The following MAF variants were observed in gnomAD, a reference collection of about 807,000 sequenced individuals.
The protein encoded by MAF is transcription factor Maf.
MAF carries 10 observed loss-of-function variants against 22.0 expected under a neutral mutation model. That is an observed-to-expected ratio of 0.45 (90% CI 0.28 to 0.77). The LOEUF (loss-of-function observed/expected upper bound fraction) is 0.77, where lower values mean the gene tolerates loss of function less well. MAF is among the 30% of genes least tolerant of loss of function. The pLI is 0.12. For synonymous variants in MAF, 337 were observed against 255.8 expected, an observed-to-expected ratio of 1.32 and a Z score of -3.03; for missense variants, 544 against 548.4, an observed-to-expected ratio of 0.99 and a Z score of 0.08.
chr16:79,597,014 C>G, intron 1 of MAF: 8 of 1,054,366 alleles, frequency 7.6e-6, no homozygotes, highest in Non-Finnish European at 9.2e-6. Flanking sequence ...TAAACAGGGG[C>G]GTTTCCCCTC....
chr16:79,413,993 C>G, the MAF span, among the ~76,000 whole-genome samples: 1 of 152,178 alleles, frequency 6.6e-6, no homozygotes, highest in Non-Finnish European at 1.5e-5. Flanking sequence ...CAGTAGCTGG[C>G]CAAATGCCCT....
the MAF span, among the ~76,000 whole-genome samples, chr16:79,526,515 C>T: frequency 6.6e-6 from 1 of 152,162 alleles, no homozygotes; most frequent in Non-Finnish European, 1.5e-5. Flanking sequence ...TTAGGGACCA[C>T]TTCCCTAGAC....
chr16:79,375,381 A>T, the MAF span, among the ~76,000 whole-genome samples: 1 of 152,184 alleles, frequency 6.6e-6, no homozygotes, highest in Non-Finnish European at 1.5e-5. Flanking sequence ...AGATGCCCAG[A>T]TAGTTCACAC....
At chr16:79,371,106 G>A in the MAF span, among the ~76,000 whole-genome samples, 2 of 151,134 alleles carry the variant, frequency 1.3e-5, no homozygotes, top group South Asian at 4.2e-4. Context: ...GAATGGTTTG[G>A]AGGGCCCCAA....
At chr16:79,219,227 G>A in the MAF span, among the ~76,000 whole-genome samples, 3 of 152,156 alleles carry the variant, frequency 2.0e-5, no homozygotes, top group East Asian at 1.9e-4. Context: ...TTTATCTGAT[G>A]TTCACCAAGA....
the MAF span, among the ~76,000 whole-genome samples, chr16:79,400,009 G>A: frequency 6.6e-6 from 1 of 152,094 alleles, no homozygotes; most frequent in African/African-American, 2.4e-5. Context: ...AACCATAATT[G>A]TGAATAGTAA....
chr16:79,453,504 T>G, the MAF span, among the ~76,000 whole-genome samples: 4 of 152,236 alleles, frequency 2.6e-5, no homozygotes, highest in African/African-American at 9.6e-5. Flanking sequence ...TCCATCTTCA[T>G]TAAGTATTCA....
chr16:79,570,804 C>G, the MAF span, among the ~76,000 whole-genome samples: 1 of 152,224 alleles, frequency 6.6e-6, no homozygotes, highest in African/African-American at 2.4e-5. Flanking sequence ...TATGGGCATA[C>G]TACTGACAGT....
chr16:79,369,700 T>G, the MAF span, among the ~76,000 whole-genome samples: 3 of 152,236 alleles, frequency 2.0e-5, no homozygotes, highest in Non-Finnish European at 4.4e-5. Flanking sequence ...GAAATCAGCC[T>G]AATGTGTAGG....
chr16:79,558,348 C>G, the MAF span, among the ~76,000 whole-genome samples: 1 of 152,122 alleles, frequency 6.6e-6, no homozygotes, highest in East Asian at 1.9e-4. Flanking sequence ...GGAAGAGAGG[C>G]TGGTCCATCA....
At chr16:79,237,313 G>A in the MAF span, among the ~76,000 whole-genome samples, 10 of 152,084 alleles carry the variant, frequency 6.6e-5, no homozygotes, top group African/African-American at 2.4e-4. Flanking sequence ...GGCTCTATTA[G>A]TTGACTTTGT....
At chr16:79,363,692 A>G in the MAF span, among the ~76,000 whole-genome samples, 2 of 152,324 alleles carry the variant, frequency 1.3e-5, no homozygotes, top group Non-Finnish European at 2.9e-5. Flanking sequence ...AGTTCCTGAA[A>G]GCATAAAGGA....
the MAF span, among the ~76,000 whole-genome samples, chr16:79,444,721 C>T: frequency 6.6e-6 from 1 of 152,160 alleles, no homozygotes; most frequent in Non-Finnish European, 1.5e-5. Flanking sequence ...GTGCAGGGCT[C>T]CATGGAGAAG....
the MAF span, among the ~76,000 whole-genome samples, chr16:79,554,443 G>A: frequency 6.6e-6 from 1 of 152,190 alleles, no homozygotes; most frequent in Non-Finnish European, 1.5e-5. Flanking sequence ...AGACTCAAGA[G>A]AATTTGAAAG....
intron 1 of MAF, 91 bp from the exon 2 acceptor site, chr16:79,594,644 T>A (rs1262091130): frequency 6.5e-7 from 1 of 1,530,630 alleles, no homozygotes; most frequent in African/African-American, 1.4e-5. Context: ...ATATGATTTT[T>A]TTTTTTTTAA....
At chr16:79,493,096 T>C in the MAF span, among the ~76,000 whole-genome samples, 4 of 152,084 alleles carry the variant, frequency 2.6e-5, no homozygotes, top group Admixed American at 2.6e-4. Context: ...TACTTGGGAT[T>C]ACAGGTGTGC....
chr16:79,573,956 T>G, the MAF span, among the ~76,000 whole-genome samples: 30 of 152,226 alleles, frequency 2.0e-4, no homozygotes, highest in African/African-American at 7.0e-4. Flanking sequence ...TTCGTTTGCC[T>G]GTTTGTGTAC....
the MAF span, among the ~76,000 whole-genome samples, chr16:79,537,464 T>G: frequency 1.3e-5 from 2 of 152,136 alleles, no homozygotes; most frequent in African/African-American, 4.8e-5. Flanking sequence ...GGCATTAAGG[T>G]TGAGTGACCC....
the MAF span, among the ~76,000 whole-genome samples, chr16:79,567,469 G>C: frequency 6.6e-6 from 1 of 152,064 alleles, no homozygotes; most frequent in Non-Finnish European, 1.5e-5. Flanking sequence ...ACAAGGCAAG[G>C]GATTTTTTTG....
Sources: gnomAD v4.1 joint callset for allele counts (sites outside exome capture counted in the v4.1 genomes callset) on GRCh38, gnomAD v4.1.1 for gene constraint, MANE v1.5 for transcripts, NCBI Gene and HGNC (gene_info 2026-07-23, HGNC 2026-07-21) for gene names.